Variants in DPY30 observed in about 807,000 individuals in gnomAD.
DPY30 encodes dpy-30 histone methyltransferase complex regulatory subunit.
Under a neutral mutation model 16.2 loss-of-function variants are expected in DPY30, and 6 were observed. The ratio of observed to expected loss-of-function variants is 0.37; its 90% CI spans 0.20 to 0.73. The LOEUF is 0.73. Ranked by LOEUF, DPY30 falls within the 30% of genes least tolerant of loss-of-function variation. DPY30 has a pLI of 0.51. For missense variants in DPY30, 73 were observed against 113.1 expected (o/e 0.65, Z 1.61); for synonymous variants, 39 against 38.8 (o/e 1.00, Z -0.02).
chr2:32,023,335 G>T, downstream of DPY30: 1 of 442,970 alleles, frequency 2.3e-6, no homozygotes, highest in South Asian at 1.7e-5. Context: ...CCCCAAAAAG[G>T]ACTGGCTGCT....
At chr2:32,017,322 T>C (rs1338685209) in intron 5 of DPY30, among the ~76,000 whole-genome samples, 1 of 152,048 alleles carries the variant, frequency 6.6e-6, no homozygotes, top group Admixed American at 6.6e-5. Context: ...GCTCCACTCT[T>C]TAAGAAACTC....
At chr2:32,025,860 C>T (rs1675314838) in intron 4 of DPY30, among the ~76,000 whole-genome samples, 3 of 151,440 alleles carry the variant, frequency 2.0e-5, no homozygotes, top group African/African-American at 7.3e-5. Flanking sequence ...ATAATCCTCA[C>T]ACTTTGGGAG....
intron 3 of DPY30, among the ~76,000 whole-genome samples, chr2:32,029,991 T>A (rs1013938915): frequency 2.6e-5 from 4 of 151,990 alleles, no homozygotes; most frequent in Non-Finnish European, 5.9e-5. Flanking sequence ...TCTTTCTCCC[T>A]TTCCTTCTGA....
chr2:32,023,881 A>G, downstream of DPY30: 16 of 1,327,586 alleles, frequency 1.2e-5, no homozygotes, highest in Non-Finnish European at 1.6e-5. Context: ...TTTGTCATAC[A>G]GAACAAAAAC....
chr2:32,019,503 G>T (rs1327765615), downstream of DPY30, among the ~76,000 whole-genome samples: 5 of 151,730 alleles, frequency 3.3e-5, no homozygotes, highest in Non-Finnish European at 7.4e-5. Context: ...ACAGCCAGAC[G>T]CTGTCTCAAA....
chr2:32,020,152 G>A (rs749977513), downstream of DPY30, among the ~76,000 whole-genome samples: 3 of 151,906 alleles, frequency 2.0e-5, no homozygotes, highest in African/African-American at 4.8e-5. Context: ...CCAGGAGTAA[G>A]CTATGCTCTT....
chr2:32,012,216 A>G (rs1674951530), intron 5 of DPY30, among the ~76,000 whole-genome samples: 1 of 151,960 alleles, frequency 6.6e-6, no homozygotes, highest in Non-Finnish European at 1.5e-5. Flanking sequence ...TTCAGGGCCC[A>G]AGGATTTTGT....
chr2:32,020,353 A>G (rs903210238), downstream of DPY30, among the ~76,000 whole-genome samples: 2 of 152,110 alleles, frequency 1.3e-5, no homozygotes, highest in Admixed American at 6.6e-5. Flanking sequence ...AAAAGCTTCA[A>G]ATAAAAAAAA....
At chr2:32,012,169 C>G (rs754384645) in intron 5 of DPY30, 2 of 152,146 alleles carry the variant, frequency 1.3e-5, no homozygotes, top group Admixed American at 6.6e-5. Context: ...TTTAAAAGTG[C>G]TATTCTGTTT....
intron 4 of DPY30, among the ~76,000 whole-genome samples, chr2:32,028,612 C>G (rs530689575): frequency 6.6e-6 from 1 of 152,048 alleles, no homozygotes; most frequent in Non-Finnish European, 1.5e-5. Context: ...ATCATTCTGG[C>G]CAACATGGTG....
downstream of DPY30, among the ~76,000 whole-genome samples, chr2:32,019,021 A>G (rs574485516): frequency 6.6e-6 from 1 of 152,248 alleles, no homozygotes; most frequent in Non-Finnish European, 1.5e-5. Context: ...GCAAGACTCT[A>G]TCTCAAAAAC....
rs567883082 is a variant in DPY30 at position 32,016,487 on chromosome 2, G to A, written n.378-4435C>T. On this transcript the variant is annotated intron_variant and non_coding_transcript_variant, in intron 5 of 5. Coordinates refer to the DPY30 transcript ENST00000414013. ...CAGTTTTGTATGCTCTTCCTAAAAC[G>A]ATTCTATCGCTTCTAACAGGAAGTT... 7.9e-5 allele frequency among the ~76,000 whole-genome samples: 12 copies of A among 152,216 alleles called. No homozygotes were observed. The East Asian group carries it at 1.7e-3, about 22-fold the overall frequency.
At chr2:32,022,254 A>C (rs568885316), downstream of DPY30, among the ~76,000 whole-genome samples, 1 of 152,226 alleles carries the variant, frequency 6.6e-6, no homozygotes, top group East Asian at 1.9e-4. Context: ...TCAAATGTTA[A>C]AAAATCACTA....
downstream of DPY30, among the ~76,000 whole-genome samples, chr2:32,019,418 T>G (rs192124079): frequency 4.6e-4 from 70 of 152,176 alleles, no homozygotes; most frequent in Admixed American, 2.0e-3. Flanking sequence ...GAGGCTAAGA[T>G]GAGAGACCGG....
chr2:32,018,929 G>C (rs959568073), downstream of DPY30, among the ~76,000 whole-genome samples: 3 of 152,094 alleles, frequency 2.0e-5, no homozygotes, highest in Non-Finnish European at 4.4e-5. Context: ...AGGAGGCTGA[G>C]GTGGGAGGAT....
At chr2:32,031,824 C>A (rs1219358476) in intron 3 of DPY30, among the ~76,000 whole-genome samples, 5 of 151,198 alleles carry the variant, frequency 3.3e-5, no homozygotes, top group African/African-American at 7.3e-5. Flanking sequence ...TTCCAGGAGG[C>A]AGAGGTTGCA....
chr2:32,037,754 CA>C (rs1675801215), intron 3 of DPY30, among the ~76,000 whole-genome samples: 1 of 151,902 alleles, frequency 6.6e-6, no homozygotes, highest in Non-Finnish European at 1.5e-5. Context: ...GACGGAGTTT[CA>C]CCATGTTGGC....
intron 4 of DPY30, among the ~76,000 whole-genome samples, chr2:32,024,819 A>C (rs1385466148): frequency 2.6e-5 from 4 of 152,094 alleles, no homozygotes; most frequent in Admixed American, 2.6e-4. Flanking sequence ...TTTCTTTTCT[A>C]AAAGCTACTT....
At chr2:32,035,759 C>A (rs1275520953) in intron 3 of DPY30, among the ~76,000 whole-genome samples, 2 of 151,538 alleles carry the variant, frequency 1.3e-5, no homozygotes, top group Admixed American at 1.3e-4. Context: ...CACTGTGAAA[C>A]CCCGCCTCTA....
Sources: gnomAD v4.1 joint callset for allele counts (sites outside exome capture counted in the v4.1 genomes callset) on GRCh38, gnomAD v4.1.1 for gene constraint, MANE v1.5 for transcripts, NCBI Gene and HGNC (gene_info 2026-07-23, HGNC 2026-07-21) for gene names.